Variants in DMD observed in about 807,000 individuals in gnomAD.
DMD encodes dystrophin.
Under a neutral mutation model 330.1 loss-of-function variants are expected in DMD, and 63 were observed. The observed-to-expected ratio is 0.19, with a 90% confidence interval of 0.16 to 0.24. The LOEUF is 0.24. DMD is among the 10% of genes least tolerant of loss of function. The pLI, the probability that DMD is intolerant of heterozygous loss-of-function variation, is 1.00. For missense variants in DMD, 3,344 were observed against 2,684.1 expected (o/e 1.25, Z -5.43); for synonymous variants, 1,223 against 959.8 (o/e 1.27, Z -5.07).
At chrX:31,938,183 C>T (rs1461677297) in intron 45 of DMD, among the ~76,000 whole-genome samples, 1 of 111,739 alleles carries the variant, frequency 8.9e-6, no homozygotes, top group Admixed American at 9.5e-5. Flanking sequence ...ACAAGTGTTT[C>T]AGGTAAAGTG....
chrX:33,172,454 A>G (rs1471402936), intron 1 of DMD, among the ~76,000 whole-genome samples: 1 of 111,833 alleles, frequency 8.9e-6, no homozygotes, highest in East Asian at 2.8e-4. Context: ...TTAAGTGACC[A>G]AGCCTCTTGA....
intron 44 of DMD, among the ~76,000 whole-genome samples, chrX:32,093,284 T>C (rs1430468161): frequency 8.9e-6 from 1 of 112,142 alleles, no homozygotes. Flanking sequence ...TGATTCCATA[T>C]CATGGCTAGT....
At chrX:31,422,482 G>A (rs1047473670) in intron 60 of DMD, among the ~76,000 whole-genome samples, 2 of 111,758 alleles carry the variant, frequency 1.8e-5, no homozygotes, top group Non-Finnish European at 3.8e-5. Context: ...AAGCATCGTG[G>A]AAATGGGGTA....
chrX:33,240,470 G>A (rs1204123061), intron 1 of DMD, among the ~76,000 whole-genome samples: 1 of 111,628 alleles, frequency 9.0e-6, no homozygotes, highest in Non-Finnish European at 1.9e-5. Context: ...ACCAGTTGAT[G>A]GACCCTTAGG....
intron 11 of DMD, among the ~76,000 whole-genome samples, chrX:32,619,071 C>A (rs948302207): frequency 1.8e-5 from 2 of 111,560 alleles, no homozygotes. Flanking sequence ...TATCCACCAA[C>A]ATATGAACGG....
chrX:32,145,909 G>A (rs1288257840), intron 44 of DMD, among the ~76,000 whole-genome samples: 1 of 111,810 alleles, frequency 8.9e-6, no homozygotes, highest in Admixed American at 9.5e-5. Flanking sequence ...GGAGCAAGAC[G>A]TCAAGATATT....
chrX:33,253,796 A>C (rs1157051073), intron 1 of DMD, among the ~76,000 whole-genome samples: 2 of 111,238 alleles, frequency 1.8e-5, no homozygotes, highest in African/African-American at 6.5e-5. Flanking sequence ...TAAATCCATA[A>C]ATACTAATGA....
chrX:32,723,491 G>T (rs192269106), intron 7 of DMD, among the ~76,000 whole-genome samples: 1 of 111,191 alleles, frequency 9.0e-6, no homozygotes, highest in East Asian at 2.8e-4. Context: ...AAGAACAAAT[G>T]GTATAAATTA....
At chrX:32,461,809 A>ATT (rs1286903514) in intron 25 of DMD, among the ~76,000 whole-genome samples, 1 of 104,502 alleles carries the variant, frequency 9.6e-6, no homozygotes, top group African/African-American at 3.4e-5. Context: ...TTTAAGTAAT[A>ATT]TTTTTTTTTT....
intron 56 of DMD, among the ~76,000 whole-genome samples, chrX:31,504,151 G>A (rs921053397): frequency 9.0e-6 from 1 of 111,108 alleles, no homozygotes; most frequent in Non-Finnish European, 1.9e-5. Flanking sequence ...TATAAACAGC[G>A]TCCAAGGTAG....
chrX:32,886,720 T>C (rs1023218419), intron 2 of DMD, among the ~76,000 whole-genome samples: 4 of 111,626 alleles, frequency 3.6e-5, no homozygotes, highest in Admixed American at 2.9e-4. Flanking sequence ...AATAATTTCA[T>C]GCGCTGGAAG....
intron 1 of DMD, among the ~76,000 whole-genome samples, chrX:33,068,845 G>A (rs1227655663): frequency 1.8e-5 from 2 of 112,258 alleles, no homozygotes; most frequent in Non-Finnish European, 3.8e-5. Context: ...ACAGCTTTGT[G>A]AAACAATTGG....
chrX:32,332,951 T>C lies in DMD; in HGVS notation c.5922+9149A>G, dbSNP rs1569558202. On this transcript the variant is annotated intron_variant, in intron 41 of 78. Coordinates refer to ENST00000357033, the MANE Select transcript of DMD (RefSeq NM_004006.3). ...GGCTGGATGAAAACAGCAAGACATA[T>C]ATAGAATAAATAAAAATGGCAAGTG... is the stretch of plus-strand genomic sequence containing the variant. 2.7e-5 allele frequency among the ~76,000 whole-genome samples: 3 copies of C among 110,360 alleles called. No homozygotes were observed. The Admixed American group carries it at 2.9e-4, about 11-fold the overall frequency.
chrX:33,245,910 T>A (rs1389317159), intron 1 of DMD, among the ~76,000 whole-genome samples: 1 of 111,931 alleles, frequency 8.9e-6, no homozygotes, highest in Non-Finnish European at 1.9e-5. Context: ...CTAGCTTCTG[T>A]AACTAGGAAC....
rs1248242921 is a variant in DMD, at chrX:31,574,959, T to A, written c.8217+52714A>T. On this transcript the variant is annotated intron_variant, in intron 55 of 78. Transcript: ENST00000357033. ...GGCTCTAATGCAATCACAAAATATA[T>A]ATTCGGTATCAAGATATATAAGATA... 3.6e-5 allele frequency among the ~76,000 whole-genome samples: 4 copies of A among 111,960 alleles called. No homozygotes were observed. The Admixed American group carries it at 3.8e-4, about 11-fold the overall frequency.
intron 62 of DMD, among the ~76,000 whole-genome samples, chrX:31,267,717 A>T (rs1453850663): frequency 8.9e-6 from 1 of 112,582 alleles, no homozygotes; most frequent in Non-Finnish European, 1.9e-5. Flanking sequence ...TTATTGGAAA[A>T]GTTACAGGGC....
intron 1 of DMD, among the ~76,000 whole-genome samples, chrX:33,231,277 T>A (rs949157147): frequency 2.8e-4 from 31 of 111,427 alleles, no homozygotes; most frequent in African/African-American, 9.8e-4. Flanking sequence ...GATAAGTCGT[T>A]CCAATTTCTT....
At chrX:33,064,569 T>C (rs778157292) in intron 1 of DMD, among the ~76,000 whole-genome samples, 7 of 112,421 alleles carry the variant, frequency 6.2e-5, no homozygotes, top group African/African-American at 2.3e-4. Context: ...ACTTAAATGA[T>C]ATTCATTATT....
At position 31,877,667 on chromosome X, in the gene DMD, T is replaced by TTGTGTGTG. The variant is rs10670657; in HGVS notation, c.6913-2302_6913-2295dup. Among the ~76,000 whole-genome samples the TTGTGTGTG allele has an allele frequency of 6.3e-3, 649 of 102,340 alleles. 5 individuals carry two copies. The highest frequency in any genetic ancestry group is 0.021 in the Middle Eastern group (4 of 193). 88.9% of individuals were successfully genotyped at this position (102,340 alleles called of 115,157 possible). ...TAACTACACCTGTGGTGCTGAACTC[T>TTGTGTGTG]TGTGTGTGTGTGTGTGTGTGTGTGT... On this transcript the variant is annotated intron_variant, in intron 47 of 78. Transcript: ENST00000357033.
Sources: gnomAD v4.1 joint callset for allele counts (sites outside exome capture counted in the v4.1 genomes callset) on GRCh38, gnomAD v4.1.1 for gene constraint, MANE v1.5 for transcripts, NCBI Gene and HGNC (gene_info 2026-07-23, HGNC 2026-07-21) for gene names.